Variants in TAFA2 observed in about 807,000 individuals in gnomAD.
TAFA2 encodes TAFA chemokine like family member 2.
Under a neutral mutation model 18.8 loss-of-function variants are expected in TAFA2, and 7 were observed. The observed-to-expected ratio is 0.37, with a 90% CI of 0.21 to 0.70. The LOEUF is 0.70. Ranked by LOEUF, TAFA2 falls within the 30% of genes least tolerant of loss-of-function variation. TAFA2 has a pLI of 0.53. For synonymous variants in TAFA2, 60 were observed against 54.2 expected, an observed-to-expected ratio of 1.11 and a Z score of -0.47; for missense variants, 122 against 158.1, an observed-to-expected ratio of 0.77 and a Z score of 1.23.
At chr12:61,894,582 C>T (rs1875763683) in intron 1 of TAFA2, among the ~76,000 whole-genome samples, 1 of 152,160 alleles carries the variant, frequency 6.6e-6, no homozygotes, top group Non-Finnish European at 1.5e-5. Flanking sequence ...CAGTGTCATG[C>T]AGTCATCTGT....
rs146854509 is a variant in TAFA2 at position 61,838,696 on chromosome 12, G to A, written c.106+28624C>T. ...TGATTGAAAAATGTGCTCTTTCCAG[G>A]CATTTATTAAAAGTTCGACAAATAT... is the stretch of plus-strand genomic sequence containing the variant. On this transcript the variant is annotated intron_variant, in intron 2 of 4. Coordinates refer to ENST00000416284, the MANE Select transcript of TAFA2 (RefSeq NM_178539.5). Among the ~76,000 whole-genome samples the A allele has an allele frequency of 2.0e-5, 3 of 152,114 alleles. No individual in the cohort carries two copies. In the East Asian group the frequency reaches 5.8e-4, roughly 29 times the overall value.
At chr12:62,032,406 G>A (rs1881483049) in intron 1 of TAFA2, among the ~76,000 whole-genome samples, 1 of 152,138 alleles carries the variant, frequency 6.6e-6, no homozygotes, top group Admixed American at 6.5e-5. Context: ...TCTCTGACAA[G>A]AGTTCTGAGG....
At chr12:61,923,694 A>G (rs891125577) in intron 1 of TAFA2, among the ~76,000 whole-genome samples, 5 of 152,124 alleles carry the variant, frequency 3.3e-5, no homozygotes, top group South Asian at 4.1e-4. Flanking sequence ...CCAAAGGATC[A>G]TAACTCTTCA....
At position 61,902,091 on chromosome 12, in the gene TAFA2, T is replaced by TAAAAA. The variant is rs750989820; in HGVS notation, c.-1-34670_-1-34666dup. 2.2e-3 allele frequency among the ~76,000 whole-genome samples: 256 copies of TAAAAA among 116,428 alleles called. 2 individuals are homozygous for TAAAAA. Among genetic ancestry groups the TAAAAA allele is most frequent in the African/African-American group, 8.6e-3 (241 of 27,898 alleles). 76.4% of individuals were successfully genotyped at this position (116,428 alleles called of 152,430 possible). ...TGATGTAATCATGGTGCAGGAATGT[T>TAAAAA]AAAAAAAAAAAAAAAAAAAAAACCT... On this transcript the variant is annotated intron_variant, in intron 1 of 4. Transcript: ENST00000416284.
At chr12:61,858,649 A>AT (rs1484925535) in intron 2 of TAFA2, among the ~76,000 whole-genome samples, 1 of 152,012 alleles carries the variant, frequency 6.6e-6, no homozygotes, top group Non-Finnish European at 1.5e-5. Flanking sequence ...GTTTCTGGAT[A>AT]TTTTTAGATA....
intron 1 of TAFA2, among the ~76,000 whole-genome samples, chr12:62,219,954 A>G (rs1354779350): frequency 6.6e-6 from 1 of 152,188 alleles, no homozygotes. Context: ...GAAAACTGAA[A>G]ATACCTAGTA....
intron 1 of TAFA2, among the ~76,000 whole-genome samples, chr12:62,122,867 G>A (rs1230564994): frequency 6.6e-6 from 1 of 152,094 alleles, no homozygotes; most frequent in East Asian, 1.9e-4. Flanking sequence ...ACTGTGACCT[G>A]CAGCCCCATC....
At chr12:61,851,087 G>A (rs1272517472) in intron 2 of TAFA2, among the ~76,000 whole-genome samples, 1 of 152,110 alleles carries the variant, frequency 6.6e-6, no homozygotes, top group Non-Finnish European at 1.5e-5. Context: ...TGTTGAACAT[G>A]AAAGACATGA....
intron 1 of TAFA2, among the ~76,000 whole-genome samples, chr12:61,903,097 T>C (rs1876181576): frequency 6.6e-6 from 1 of 152,208 alleles, no homozygotes; most frequent in African/African-American, 2.4e-5. Context: ...TTTCTACTAA[T>C]AACATACAGG....
chr12:62,189,189 C>T (rs2062605716), intron 1 of TAFA2, among the ~76,000 whole-genome samples: 2 of 147,546 alleles, frequency 1.4e-5, no homozygotes, highest in African/African-American at 5.1e-5. Context: ...AAGATTTTCA[C>T]ATAAAAAAAA....
At chr12:61,753,383 GCAAA>G (rs1188117813) in intron 4 of TAFA2, among the ~76,000 whole-genome samples, 1 of 152,046 alleles carries the variant, frequency 6.6e-6, no homozygotes, top group Non-Finnish European at 1.5e-5. Context: ...TTATGAAGGA[GCAAA>G]CAGTGTTTAT....
chr12:61,832,932 G>A (rs74442584), intron 2 of TAFA2, among the ~76,000 whole-genome samples: 5 of 150,860 alleles, frequency 3.3e-5, no homozygotes, highest in South Asian at 2.1e-4. Flanking sequence ...TGATTTATTC[G>A]TCAATTCACT....
chr12:62,121,791 C>T (rs1295751070), intron 1 of TAFA2, among the ~76,000 whole-genome samples: 1 of 152,192 alleles, frequency 6.6e-6, no homozygotes, highest in African/African-American at 2.4e-5. Context: ...AACCCCTGTT[C>T]TCATGGAGCT....
intron 2 of TAFA2, among the ~76,000 whole-genome samples, chr12:61,796,761 T>G (rs1871205013): frequency 6.6e-6 from 1 of 152,178 alleles, no homozygotes; most frequent in Non-Finnish European, 1.5e-5. Flanking sequence ...GCTTAATAGA[T>G]GAGAAAATAG....
At chr12:61,891,708 T>C (rs1246847262) in intron 1 of TAFA2, among the ~76,000 whole-genome samples, 1 of 147,862 alleles carries the variant, frequency 6.8e-6, no homozygotes, top group Non-Finnish European at 1.5e-5. Flanking sequence ...AGGAGGGAGG[T>C]TGGGGAGCAT....
intron 1 of TAFA2, among the ~76,000 whole-genome samples, chr12:61,913,996 G>A (rs1241560062): frequency 6.6e-6 from 1 of 152,118 alleles, no homozygotes; most frequent in Non-Finnish European, 1.5e-5. Flanking sequence ...ACAGAAACAG[G>A]GCTTAAAGGG....
At chr12:62,061,233 T>C (rs1471921971) in intron 1 of TAFA2, among the ~76,000 whole-genome samples, 1 of 152,230 alleles carries the variant, frequency 6.6e-6, no homozygotes, top group East Asian at 1.9e-4. Context: ...TCTCCATTCA[T>C]GGTGAAGTGC....
intron 2 of TAFA2, among the ~76,000 whole-genome samples, chr12:61,762,194 G>A (rs187035123): frequency 1.3e-5 from 2 of 152,152 alleles, no homozygotes; most frequent in African/African-American, 4.8e-5. Flanking sequence ...CTAGCAGTGT[G>A]AGAACAGACC....
intron 4 of TAFA2, among the ~76,000 whole-genome samples, chr12:61,749,188 G>A (rs1035225320): frequency 6.6e-6 from 1 of 151,888 alleles, no homozygotes; most frequent in Admixed American, 6.6e-5. Flanking sequence ...CATGAGAATC[G>A]CTTGAACTCA....
Sources: allele counts gnomAD v4.1 joint callset (sites outside exome capture counted in the v4.1 genomes callset), GRCh38; gene constraint gnomAD v4.1.1; transcripts MANE v1.5; gene names NCBI Gene and HGNC (gene_info 2026-07-23, HGNC 2026-07-21).